Variants in CDH20 observed in about 807,000 individuals in gnomAD.
The protein encoded by CDH20 is cadherin-20.
A neutral mutation model predicts 74.2 loss-of-function variants in CDH20; 29 were observed. That is an observed-to-expected ratio of 0.39 (90% confidence interval 0.29 to 0.53). The LOEUF (loss-of-function observed/expected upper bound fraction) is 0.53. Among genes scored for constraint, CDH20 ranks in the 20% least tolerant of loss-of-function variants. The pLI, the probability that CDH20 is intolerant of heterozygous loss-of-function variation, is 0.69. For missense variants in CDH20, 988 were observed against 1,048.3 expected (o/e 0.94, Z 0.79); for synonymous variants, 469 against 405.4 (o/e 1.16, Z -1.88).
At chr18:61,351,299 A>C (rs1910296816) in intron 1 of CDH20, among the ~76,000 whole-genome samples, 1 of 152,014 alleles carries the variant, frequency 6.6e-6, no homozygotes, top group Admixed American at 6.6e-5. Flanking sequence ...CACTCCCCCC[A>C]TCCTCTGGTA....
intron 1 of CDH20, among the ~76,000 whole-genome samples, chr18:61,467,840 G>A (rs540032276): frequency 6.6e-6 from 1 of 152,268 alleles, no homozygotes; most frequent in South Asian, 2.1e-4. Context: ...GATTCTGCCT[G>A]ACCCCAAGGC....
intron 1 of CDH20, among the ~76,000 whole-genome samples, chr18:61,461,308 G>C (rs959307192): frequency 7.2e-6 from 1 of 138,656 alleles, no homozygotes; most frequent in African/African-American, 2.7e-5. Context: ...ACGTAACAAA[G>C]TACCACAAGC....
intron 1 of CDH20, among the ~76,000 whole-genome samples, chr18:61,370,051 C>T (rs1435667141): frequency 6.6e-6 from 1 of 152,068 alleles, no homozygotes; most frequent in Non-Finnish European, 1.5e-5. Context: ...GCACATGTGC[C>T]TCTCAACTTA....
At chr18:61,459,968 C>T (rs1343410552) in intron 1 of CDH20, among the ~76,000 whole-genome samples, 1 of 152,166 alleles carries the variant, frequency 6.6e-6, no homozygotes, top group African/African-American at 2.4e-5. Context: ...GTGTCCCATA[C>T]TCAATTCCAA....
intron 1 of CDH20, among the ~76,000 whole-genome samples, chr18:61,468,837 T>G (rs949622831): frequency 1.3e-5 from 2 of 152,248 alleles, no homozygotes; most frequent in African/African-American, 4.8e-5. Flanking sequence ...CATTTTGCTG[T>G]GTTTCCTTAA....
intron 1 of CDH20, among the ~76,000 whole-genome samples, chr18:61,397,352 C>G (rs1912018799): frequency 6.6e-6 from 1 of 152,106 alleles, no homozygotes. Flanking sequence ...TGGAGTCCTC[C>G]TGGCCTGGCC....
chr18:61,335,472 C>T (rs1015369419), intron 1 of CDH20, among the ~76,000 whole-genome samples: 10 of 152,244 alleles, frequency 6.6e-5, no homozygotes, highest in African/African-American at 2.2e-4. Flanking sequence ...TGGCCACATC[C>T]CTTCCTGCCA....
chr18:61,398,902 C>G (rs1045700225), intron 1 of CDH20, among the ~76,000 whole-genome samples: 6 of 152,124 alleles, frequency 3.9e-5, no homozygotes, highest in African/African-American at 1.4e-4. Flanking sequence ...TTCTGAGTGG[C>G]CAGCACAAGT....
intron 1 of CDH20, among the ~76,000 whole-genome samples, chr18:61,360,471 C>T (rs1440709461): frequency 1.3e-5 from 2 of 151,998 alleles, no homozygotes; most frequent in Admixed American, 6.5e-5. Context: ...TTGAATGAGG[C>T]ATTTGCAACC....
chr18:61,427,289 T>A (rs1472393328), intron 1 of CDH20, among the ~76,000 whole-genome samples: 1 of 152,208 alleles, frequency 6.6e-6, no homozygotes, highest in African/African-American at 2.4e-5. Context: ...ACCCATTTTA[T>A]CCTCATGACA....
At position 61,516,355 on chromosome 18, in the gene CDH20, C is replaced by A. The variant is rs964582907; in HGVS notation, c.1017+8795C>A. On this transcript the variant is annotated intron_variant, in intron 6 of 11. Coordinates refer to ENST00000262717, the MANE Select transcript of CDH20 (RefSeq NM_031891.4). ...GAATAAAAATCTGACTAAGTCATAG[C>A]TTTTGCCCTTGAGTATGGGGAGTGG... Among the ~76,000 whole-genome samples the A allele has an allele frequency of 2.6e-5, 4 of 152,246 alleles. No homozygotes were observed. In the East Asian group the frequency reaches 7.7e-4, roughly 29 times the overall value.
chr18:61,426,389 T>C (rs954204845), intron 1 of CDH20, among the ~76,000 whole-genome samples: 1 of 152,090 alleles, frequency 6.6e-6, no homozygotes, highest in African/African-American at 2.4e-5. Context: ...GGTTTGAAAA[T>C]GACCTTCAAA....
At chr18:61,488,990 C>T (rs1910863673) in intron 1 of CDH20, among the ~76,000 whole-genome samples, 1 of 152,180 alleles carries the variant, frequency 6.6e-6, no homozygotes, top group African/African-American at 2.4e-5. Flanking sequence ...TATTAGCAAA[C>T]CCATTGCCCT....
At chr18:61,397,003 T>G (rs961712436) in intron 1 of CDH20, among the ~76,000 whole-genome samples, 2 of 152,196 alleles carry the variant, frequency 1.3e-5, no homozygotes, top group Admixed American at 1.3e-4. Flanking sequence ...ACTATTTGGT[T>G]TCTATGCTGT....
At chr18:61,467,386 A>G (rs556857313) in intron 1 of CDH20, among the ~76,000 whole-genome samples, 1 of 152,234 alleles carries the variant, frequency 6.6e-6, no homozygotes, top group African/African-American at 2.4e-5. Flanking sequence ...TTTCCCCAAA[A>G]GTCAGGTATA....
intron 1 of CDH20, among the ~76,000 whole-genome samples, chr18:61,421,997 A>C (rs1400721111): frequency 1.3e-5 from 2 of 152,162 alleles, no homozygotes; most frequent in African/African-American, 4.8e-5. Flanking sequence ...CTTTTCAAAA[A>C]TCTATACATT....
In CDH20 at chr18:61,554,755, ACAAGGTGCAGCCAACCACAC is replaced by A; in HGVS notation, c.*61_*80del. ...GACGTTCTCCGCGGGTGCTTCGCGG[ACAAGGTGCAGCCAACCACAC>A]GAGCAATACTGTGCTGGAGAGTGAG... On this transcript the variant is annotated 3_prime_UTR_variant, in exon 12 of 12. Transcript: ENST00000262717. 5 of 1,479,708 alleles carry A rather than the reference ACAAGGTGCAGCCAACCACAC, an allele frequency of 3.4e-6. No individual in the cohort carries two copies. The highest frequency in any genetic ancestry group is 4.5e-6 in the Non-Finnish European group (5 of 1,114,856). The allele number at this position is 1,479,708 out of a possible 1,614,324, so 91.7% of individuals were successfully genotyped here.
Position 61,545,114 on chromosome 18 carries a change from A to C in CDH20, c.1618A>C (p.Asn540His). The C allele has an allele frequency of 6.2e-7, 1 of 1,613,396 alleles. No individual in the cohort carries two copies. The highest frequency in any genetic ancestry group is 2.2e-5 in the East Asian group (1 of 44,840). The change falls in exon 10 of 12, where the codon AAC (asparagine) becomes CAC (histidine). Residue 540 changes from asparagine to histidine, a missense_variant. Transcript: ENST00000262717. ...YYSLAPEAAN[N>H]PNFTIRDNQD... The stretch of plus-strand genomic sequence containing the variant: ...CAGCTTGGCTCCTGAGGCTGCTAAC[A>C]ACCCCAACTTTACCATAAGGGACAA...
rs148758654 is a variant in CDH20, at chr18:61,400,849, G to C, written c.-153+67022G>C. Among the ~76,000 whole-genome samples the C allele has an allele frequency of 1.5e-3, 232 of 152,276 alleles. 1 individual carries two copies. In the East Asian group the frequency reaches 0.021, roughly 14 times the overall value. ...CTGGTCAGTCTTTGGTGTCCCAATAGTATTCGATATAAACTGAAAGATTAT... is the reference window on the plus strand; with the variant it reads ...CTGGTCAGTCTTTGGTGTCCCAATACTATTCGATATAAACTGAAAGATTAT... On this transcript the variant is annotated intron_variant, in intron 1 of 11. Transcript: ENST00000262717.
Sources: allele counts gnomAD v4.1 joint callset (sites outside exome capture counted in the v4.1 genomes callset), GRCh38; gene constraint gnomAD v4.1.1; transcripts MANE v1.5; gene names NCBI Gene and HGNC (gene_info 2026-07-23, HGNC 2026-07-21).